Variants in ACOT7 observed in about 807,000 individuals in gnomAD.
The protein encoded by ACOT7 is cytosolic acyl coenzyme A thioester hydrolase.
ACOT7 carries 12 observed loss-of-function variants against 40.2 expected under a neutral mutation model. The ratio of observed to expected loss-of-function variants is 0.30; its 90% CI spans 0.19 to 0.48. The LOEUF (loss-of-function observed/expected upper bound fraction) is 0.48. ACOT7 is among the 20% of genes least tolerant of loss of function. ACOT7 has a pLI of 0.99. For missense variants in ACOT7, 395 were observed against 530.8 expected (o/e 0.74, Z 2.51); for synonymous variants, 228 against 219.5 (o/e 1.04, Z -0.34).
At chr1:6,369,976 G>A (rs547239657) in intron 1 of ACOT7, among the ~76,000 whole-genome samples, 1 of 152,160 alleles carries the variant, frequency 6.6e-6, no homozygotes, top group Non-Finnish European at 1.5e-5. Flanking sequence ...TTGGATATGA[G>A]GATCCCTAAC....
At chr1:6,339,399 C>T in intron 3 of ACOT7, 34 bp downstream of exon 3, 3 of 1,611,570 alleles carry the variant, frequency 1.9e-6, no homozygotes, top group Non-Finnish European at 2.5e-6. Flanking sequence ...ACGGCCCTTA[C>T]TGCTCCAGTC....
chr1:6,264,777 G>A (rs916189981), intron 8 of ACOT7, 82 bp from the exon 9 acceptor site: 64 of 1,439,872 alleles, frequency 4.4e-5, no homozygotes, highest in Non-Finnish European at 6.0e-5. Flanking sequence ...CTGGGGCCCT[G>A]CCCCCCACCC....
chr1:6,327,418 G>C lies in ACOT7; in HGVS notation c.511-5C>G, dbSNP rs111554912. The C allele has an allele frequency of 2.8e-5, 45 of 1,613,948 alleles. 1 individual carries two copies. Among genetic ancestry groups the C allele is most frequent in the African/African-American group, 1.5e-4 (11 of 75,056 alleles). On this transcript the variant is annotated splice_polypyrimidine_tract_variant and splice_region_variant and intron_variant, in intron 4 of 8. Coordinates refer to ENST00000361521, the MANE Select transcript of ACOT7 (RefSeq NM_007274.4). ...CTCCTGCTCCTGCCGGGAATACTGC[G>C]AGAAACCAAAGACAGGTCAGGCCCA... is the stretch of plus-strand genomic sequence containing the variant.
At chr1:6,353,736 G>A (rs755680242) in intron 1 of ACOT7, among the ~76,000 whole-genome samples, 3 of 152,226 alleles carry the variant, frequency 2.0e-5, no homozygotes, top group East Asian at 1.9e-4. Context: ...CTCGGGCAAC[G>A]GCACAGGCCT....
Position 6,331,632 on chromosome 1 carries a change from C to T in ACOT7, c.510+1845G>A, listed in dbSNP as rs1230471230. 7.2e-5 allele frequency among the ~76,000 whole-genome samples: 11 copies of T among 152,226 alleles called. 1 individual carries two copies. Among genetic ancestry groups the T allele is most frequent in the Admixed American group, 6.5e-4 (10 of 15,284 alleles). On this transcript the variant is annotated intron_variant, in intron 4 of 8. Transcript: ENST00000361521. ...GGACTCCACACCCCGACCCTGAGCC[C>T]CCGCCCACTGGCCAGATTCTGGCAT...
intron 7 of ACOT7, among the ~76,000 whole-genome samples, chr1:6,290,521 T>G (rs1639634669): frequency 6.6e-6 from 1 of 152,252 alleles, no homozygotes; most frequent in South Asian, 2.1e-4. Flanking sequence ...ATGTGCCCAG[T>G]CTACCTGCAG....
intron 5 of ACOT7, among the ~76,000 whole-genome samples, chr1:6,322,111 G>A (rs1239130373): frequency 6.6e-6 from 1 of 152,194 alleles, no homozygotes; most frequent in African/African-American, 2.4e-5. Flanking sequence ...GCAGGATGTC[G>A]GGGCCCCCAG....
chr1:6,346,265 C>T (rs1641418559), intron 2 of ACOT7, among the ~76,000 whole-genome samples: 1 of 152,214 alleles, frequency 6.6e-6, no homozygotes, highest in African/African-American at 2.4e-5. Context: ...CCACACCTGG[C>T]TAATTTTTGT....
At chr1:6,365,312 T>A (rs1473634598) in intron 1 of ACOT7, among the ~76,000 whole-genome samples, 1 of 152,132 alleles carries the variant, frequency 6.6e-6, no homozygotes. Flanking sequence ...ACCTCAGAGA[T>A]ATTACGGGTT....
At chr1:6,307,414 G>A (rs1640187061) in intron 6 of ACOT7, among the ~76,000 whole-genome samples, 1 of 152,250 alleles carries the variant, frequency 6.6e-6, no homozygotes, top group Admixed American at 6.5e-5. Flanking sequence ...TGGGAATGCA[G>A]GAGTGAACAG....
At chr1:6,305,669 A>G (rs1291154868) in intron 6 of ACOT7, among the ~76,000 whole-genome samples, 7 of 124,368 alleles carry the variant, frequency 5.6e-5, no homozygotes, top group South Asian at 2.8e-4. Context: ...CCTAGATGGG[A>G]TGGCGGCCGG....
intron 6 of ACOT7, among the ~76,000 whole-genome samples, chr1:6,309,184 C>T (rs1320472755): frequency 6.6e-6 from 1 of 152,256 alleles, no homozygotes; most frequent in Non-Finnish European, 1.5e-5. Flanking sequence ...CATGACCTCA[C>T]ACCCACATTC....
intron 1 of ACOT7, among the ~76,000 whole-genome samples, chr1:6,392,898 G>A (rs1029280594): frequency 5.3e-5 from 8 of 152,160 alleles, no homozygotes; most frequent in Non-Finnish European, 1.2e-4. Context: ...GCTCGGGCGA[G>A]GCCCGAGGCG....
At chr1:6,273,779 G>A (rs1190253236) in intron 8 of ACOT7, among the ~76,000 whole-genome samples, 1 of 152,264 alleles carries the variant, frequency 6.6e-6, no homozygotes, top group African/African-American at 2.4e-5. Flanking sequence ...GAGTGCAGAG[G>A]CTGCGCGCGG....
chr1:6,308,351 G>A (rs1640225235), intron 6 of ACOT7, among the ~76,000 whole-genome samples: 1 of 151,370 alleles, frequency 6.6e-6, no homozygotes, highest in Admixed American at 6.6e-5. Context: ...ACAGGCAGAA[G>A]GAACAGCCAC....
Position 6,364,580 on chromosome 1 carries a change from TGGCTCAC to T in ACOT7, c.144-14721_144-14715del, listed in dbSNP as rs555099869. The stretch of plus-strand genomic sequence containing the variant: ...AAGCCCAGCATTTGGCCTGGCGCAG[TGGCTCAC>T]GCCTGTAATCCCAGCACTTTGGGAG... On this transcript the variant is annotated intron_variant, in intron 1 of 8. Coordinates refer to ENST00000361521, the MANE Select transcript of ACOT7 (RefSeq NM_007274.4). Among the ~76,000 whole-genome samples the T allele has an allele frequency of 4.7e-5, 7 of 149,324 alleles. No homozygotes were observed. The East Asian group carries it at 1.4e-3, about 30-fold the overall frequency.
At position 6,359,320 on chromosome 1, in the gene ACOT7, TC is replaced by T. The variant is rs1417983060; in HGVS notation, c.144-9455del. The stretch of plus-strand genomic sequence containing the variant: ...AGGAAGGTCACAGGCCAGCAAGGAC[TC>T]CAGCAGGTCCAAGCCTGCATCCTGC... On this transcript the variant is annotated intron_variant, in intron 1 of 8. Coordinates refer to ENST00000361521, the MANE Select transcript of ACOT7 (RefSeq NM_007274.4). This position sits in a 1 kb window ranked among gnomAD's most constrained non-coding sequence, Gnocchi z 4.1. 6.3e-6 allele frequency: 1 copy of T among 157,966 alleles called. No individual in the cohort carries two copies. Among genetic ancestry groups the T allele is most frequent in the Non-Finnish European group, 1.4e-5 (1 of 71,698 alleles). The allele number at this position is 157,966 out of a possible 1,614,324, so 9.8% of individuals were successfully genotyped here. A position where few individuals can be genotyped will look rare whatever the true frequency, so the allele number is the denominator to read the frequency against.
chr1:6,333,642 G>A (rs1641021904), intron 3 of ACOT7, 74 bp from the exon 4 acceptor site: 1 of 1,473,076 alleles, frequency 6.8e-7, no homozygotes, highest in Non-Finnish European at 9.5e-7. Context: ...GCACGTGGCA[G>A]GTGCTGCTCC....
At chr1:6,286,152 A>G (rs539045676) in intron 7 of ACOT7, among the ~76,000 whole-genome samples, 5 of 152,306 alleles carry the variant, frequency 3.3e-5, no homozygotes, top group Admixed American at 6.5e-5. Context: ...GGATGGCTCC[A>G]CCACATCACC....
Sources: gnomAD v4.1 joint callset for allele counts (sites outside exome capture counted in the v4.1 genomes callset) on GRCh38, gnomAD v4.1.1 for gene constraint, Gnocchi (gnomAD v3.1) non-coding constraint, MANE v1.5 for transcripts, NCBI Gene and HGNC (gene_info 2026-07-23, HGNC 2026-07-21) for gene names.